Variants in SLC35D4 observed in about 807,000 individuals in gnomAD.
SLC35D4 encodes the protein UDP-N-acetylglucosamine transporter SLC35D4.
At chr18:23,374,682 T>C in the SLC35D4 span, among the ~76,000 whole-genome samples, 2 of 151,978 alleles carry the variant, frequency 1.3e-5, no homozygotes, top group African/African-American at 4.8e-5. Context: ...GTGGGGTTTC[T>C]CCATGTTAGT....
chr18:23,425,357 T>C, the SLC35D4 span, among the ~76,000 whole-genome samples: 1 of 152,160 alleles, frequency 6.6e-6, no homozygotes. Flanking sequence ...CACCTTGGCC[T>C]CCCAAAGTGC....
chr18:23,324,082 C>T, the SLC35D4 span, among the ~76,000 whole-genome samples: 2 of 130,208 alleles, frequency 1.5e-5, no homozygotes, highest in Admixed American at 7.8e-5. Context: ...GACTCTGTCT[C>T]AAAAGAAAAA....
chr18:23,304,194 G>C, the SLC35D4 span, among the ~76,000 whole-genome samples: 2 of 148,584 alleles, frequency 1.3e-5, no homozygotes, highest in East Asian at 4.0e-4. Flanking sequence ...GGAGAATGGT[G>C]TGAACCCAGG....
At chr18:23,334,564 T>C in the SLC35D4 span, among the ~76,000 whole-genome samples, 3 of 152,216 alleles carry the variant, frequency 2.0e-5, no homozygotes, top group African/African-American at 7.2e-5. Flanking sequence ...TGGAGTCCTA[T>C]AAACAAGCAC....
chr18:23,246,550 C>T, the SLC35D4 span, among the ~76,000 whole-genome samples: 1 of 151,926 alleles, frequency 6.6e-6, no homozygotes, highest in Non-Finnish European at 1.5e-5. Flanking sequence ...CGCCACCACA[C>T]CCGGCTAATT....
chr18:23,249,092 C>T, the SLC35D4 span, among the ~76,000 whole-genome samples: 10 of 152,236 alleles, frequency 6.6e-5, no homozygotes, highest in Non-Finnish European at 1.0e-4. Context: ...AGCTTAGTGA[C>T]AGGACTTGAG....
chr18:23,420,791 T>A, the SLC35D4 span, among the ~76,000 whole-genome samples: 1 of 152,306 alleles, frequency 6.6e-6, no homozygotes, highest in Middle Eastern at 3.4e-3. Context: ...ATAAAATATA[T>A]ATCTCAATTA....
the SLC35D4 span, among the ~76,000 whole-genome samples, chr18:23,316,665 AAGG>A: frequency 0.23 from 34,747 of 152,064 alleles, 6,124 homozygotes; most frequent in African/African-American, 0.49. Context: ...TGAGGAACAA[AAGG>A]AGATTAGGTT....
the SLC35D4 span, among the ~76,000 whole-genome samples, chr18:23,316,823 A>C: frequency 6.6e-6 from 1 of 152,218 alleles, no homozygotes; most frequent in East Asian, 1.9e-4. Flanking sequence ...AAGGGAAGAA[A>C]GTAACCAAAA....
the SLC35D4 span, among the ~76,000 whole-genome samples, chr18:23,299,770 G>T: frequency 6.6e-6 from 1 of 152,208 alleles, no homozygotes; most frequent in Non-Finnish European, 1.5e-5. Flanking sequence ...CAGTCAGGTT[G>T]AGGGGCTTAG....
chr18:23,371,092 T>C, the SLC35D4 span, among the ~76,000 whole-genome samples: 1 of 133,100 alleles, frequency 7.5e-6, no homozygotes, highest in African/African-American at 2.5e-5. Flanking sequence ...TCTCCCTCTC[T>C]CTCTCTCTCT....
the SLC35D4 span, chr18:23,421,475 A>T: frequency 1.4e-5 from 23 of 1,607,452 alleles, no homozygotes; most frequent in Non-Finnish European, 1.7e-5. Context: ...TGTGAATTTC[A>T]TAGAGTGCTA....
chr18:23,410,634 TA>T, the SLC35D4 span, among the ~76,000 whole-genome samples: 1 of 150,208 alleles, frequency 6.7e-6, no homozygotes, highest in Non-Finnish European at 1.5e-5. Flanking sequence ...GTGAAACCCC[TA>T]AAAATACAAA....
the SLC35D4 span, among the ~76,000 whole-genome samples, chr18:23,306,557 C>T: frequency 1.7e-4 from 26 of 152,320 alleles, no homozygotes; most frequent in South Asian, 6.2e-4. Flanking sequence ...CCACCCGCCT[C>T]GGCCTCCCAA....
the SLC35D4 span, among the ~76,000 whole-genome samples, chr18:23,400,115 G>T: frequency 4.5e-3 from 689 of 152,338 alleles, 4 homozygotes; most frequent in African/African-American, 0.016. Context: ...CAGAACTTCA[G>T]TTGGGTGGCC....
chr18:23,291,055 T>C, the SLC35D4 span, among the ~76,000 whole-genome samples: 1 of 152,208 alleles, frequency 6.6e-6, no homozygotes, highest in African/African-American at 2.4e-5. Context: ...TGGCACTCAG[T>C]AGGTCTCAAT....
chr18:23,416,062 T>A, the SLC35D4 span, among the ~76,000 whole-genome samples: 2 of 152,052 alleles, frequency 1.3e-5, no homozygotes, highest in East Asian at 1.9e-4. Flanking sequence ...ACAAAAAAAA[T>A]TAACTGGGCA....
At chr18:23,265,303 C>T in the SLC35D4 span, among the ~76,000 whole-genome samples, 10 of 152,096 alleles carry the variant, frequency 6.6e-5, no homozygotes, top group Non-Finnish European at 1.3e-4. Flanking sequence ...CTGCTAGTCC[C>T]GGGATCTCAC....
At chr18:23,436,528 C>A in the SLC35D4 span, among the ~76,000 whole-genome samples, 1 of 152,082 alleles carries the variant, frequency 6.6e-6, no homozygotes, top group Non-Finnish European at 1.5e-5. Flanking sequence ...CGCAGTGGCT[C>A]ACACCTGTAA....
Sources: gnomAD v4.1 joint callset for allele counts (sites outside exome capture counted in the v4.1 genomes callset) on GRCh38, gnomAD v4.1.1 for gene constraint, MANE v1.5 for transcripts, NCBI Gene and HGNC (gene_info 2026-07-23, HGNC 2026-07-21) for gene names.